The following ST6GALNAC1 variants were observed in gnomAD, a reference collection of about 807,000 sequenced individuals.
The protein encoded by ST6GALNAC1 is alpha-N-acetylgalactosaminide alpha-2,6-sialyltransferase 1.
ST6GALNAC1 carries 45 observed loss-of-function variants against 56.8 expected under a neutral mutation model. That is an observed-to-expected ratio of 0.79 (90% confidence interval 0.62 to 1.02). The LOEUF (loss-of-function observed/expected upper bound fraction) is 1.02. Among genes scored for constraint, ST6GALNAC1 ranks in the 50% least tolerant of loss-of-function variants. The pLI is 0.00. For synonymous variants in ST6GALNAC1, 295 were observed against 297.8 expected (o/e 0.99, Z 0.10); for missense variants, 743 against 754.8 (o/e 0.98, Z 0.18).
chr17:76,643,645 G>A lies in ST6GALNAC1; in HGVS notation c.-7C>T. 2 of 1,613,608 alleles carry A rather than the reference G, an allele frequency of 1.2e-6. No individual in the cohort carries two copies. Among genetic ancestry groups the A allele is most frequent in the Non-Finnish European group, 1.7e-6 (2 of 1,179,736 alleles). On this transcript the variant is annotated 5_prime_UTR_variant, in exon 1 of 9. Coordinates refer to ENST00000156626, the MANE Select transcript of ST6GALNAC1 (RefSeq NM_018414.5). ...TCCACAGGCAGGACCTCATGGTGGT[G>A]GGTCGGGTTCTAGAGGAAGGTTCTG...
chr17:76,630,426 C>T (rs1423843999), intron 1 of ST6GALNAC1, among the ~76,000 whole-genome samples: 1 of 152,130 alleles, frequency 6.6e-6, no homozygotes, highest in African/African-American at 2.4e-5. Flanking sequence ...CAGCCTTTCT[C>T]AGCCTCAAAG....
the ST6GALNAC1 span, among the ~76,000 whole-genome samples, chr17:76,619,314 C>G: frequency 6.6e-6 from 1 of 152,152 alleles, no homozygotes; most frequent in Non-Finnish European, 1.5e-5. Flanking sequence ...AGTTTCGTTG[C>G]TTCTAGACTC....
At chr17:76,630,309 G>A (rs933517679) in intron 1 of ST6GALNAC1, among the ~76,000 whole-genome samples, 14 of 152,142 alleles carry the variant, frequency 9.2e-5, no homozygotes, top group African/African-American at 3.4e-4. Context: ...ACTGGAGAAA[G>A]GCAGGGCCGG....
Position 76,629,703 on chromosome 17 carries a change from C to T in ST6GALNAC1, c.140G>A (p.Arg47His), listed in dbSNP as rs147277552. ...AGACCTTTCTTTAATGTTCTCTGTG[C>T]GTTGATGCCTAGGGACAGAGATAAC... ...EPQTKPSRHQ[R>H]TENIKERSLQ... Residue 47 changes from arginine (R) to histidine (H), a missense_variant, in exon 2 of 9, where the codon CGC becomes CAC. By Grantham distance (29) the Arg-to-His change is conservative (BLOSUM62 0). Transcript: ENST00000156626. 25 of 1,611,494 alleles carry T rather than the reference C, an allele frequency of 1.6e-5. No individual in the cohort carries two copies. The highest frequency in any genetic ancestry group is 8.3e-5 in the Admixed American group (5 of 59,894).
chr17:76,627,610 A>G lies in ST6GALNAC1; in HGVS notation c.832-27T>C, dbSNP rs745678943. ...TATATACAGGAGGACGAAGTCAGGA[A>G]GGGAGAGACCCAGAAAGGCCATCGG... On this transcript the variant is annotated intron_variant, in intron 2 of 8. Transcript: ENST00000156626. The surrounding 1 kb of genome is among the most constrained non-coding windows in gnomAD (Gnocchi z 4.4). 3.1e-6 allele frequency: 5 copies of G among 1,609,604 alleles called. No homozygotes were observed. Among genetic ancestry groups the G allele is most frequent in the South Asian group, 1.1e-5 (1 of 90,646 alleles).
intron 1 of ST6GALNAC1, among the ~76,000 whole-genome samples, chr17:76,642,805 G>A (rs528856924): frequency 1.1e-3 from 161 of 151,830 alleles, no homozygotes; most frequent in Non-Finnish European, 1.6e-3. Flanking sequence ...GGTGGCATGC[G>A]CCTGTAGTCC....
At chr17:76,626,169 C>T in intron 6 of ST6GALNAC1, 74 bp from the exon 7 acceptor site, 7 of 1,559,686 alleles carry the variant, frequency 4.5e-6, no homozygotes, top group Non-Finnish European at 6.2e-6. Flanking sequence ...GGGTCATGAG[C>T]ATGACTGGTA....
chr17:76,631,626 A>G (rs999146398), intron 1 of ST6GALNAC1, among the ~76,000 whole-genome samples: 2 of 152,080 alleles, frequency 1.3e-5, no homozygotes, highest in African/African-American at 4.8e-5. Flanking sequence ...CTCTGCAGAC[A>G]GGCCTCCTCT....
Position 76,629,505 on chromosome 17 carries a change from T to A in ST6GALNAC1, c.338A>T (p.Asp113Val). The change falls in exon 2 of 9, where the codon GAC (aspartate) becomes GTC (valine). Residue 113 changes from aspartate to valine, a missense_variant. Physicochemically the swap from Asp to Val is radical, Grantham distance 152. Coordinates refer to ENST00000156626, the MANE Select transcript of ST6GALNAC1 (RefSeq NM_018414.5). ...EANQAPPEEQ[D>V]KVPHTAQRAA... ...CCTCTGTGCTGTGTGGGGCACCTTG[T>A]CCTGCTCCTCCGGCGGTGCCTGGTT... The A allele has an allele frequency of 5.0e-6, 8 of 1,614,088 alleles. No individual in the cohort carries two copies. Among genetic ancestry groups the A allele is most frequent in the Non-Finnish European group, 6.8e-6 (8 of 1,180,012 alleles).
At position 76,627,060 on chromosome 17, in the gene ST6GALNAC1, AG is replaced by A. The variant is rs781476375; in HGVS notation, c.1172+6del. 1.3e-6 allele frequency: 2 copies of A among 1,540,352 alleles called. No individual in the cohort carries two copies. The highest frequency in any genetic ancestry group is 1.3e-5 in the South Asian group (1 of 77,782). On this transcript the variant is annotated splice_donor_region_variant and intron_variant, in intron 4 of 8. Coordinates refer to ENST00000156626, the MANE Select transcript of ST6GALNAC1 (RefSeq NM_018414.5). This position sits in a 1 kb window ranked among gnomAD's most constrained non-coding sequence, Gnocchi z 4.4. ...CTGGAGAGGGAGCTTGGGTGGGGAC[AG>A]CTTACCGGAACACGTAGTCGTGACT...
chr17:76,632,787 A>G (rs1219321874), intron 1 of ST6GALNAC1, among the ~76,000 whole-genome samples: 5 of 152,130 alleles, frequency 3.3e-5, no homozygotes, highest in African/African-American at 9.7e-5. Flanking sequence ...GCTTTCTTCT[A>G]TTAATGACTT....
In ST6GALNAC1 at chr17:76,638,675, G is replaced by A. The variant is rs1321285395; in HGVS notation, c.131+4833C>T. On this transcript the variant is annotated intron_variant, in intron 1 of 8. Transcript: ENST00000156626. ...GGCTCACAGCAAGCTCTGCCTCCCG[G>A]ATTCAGGCAATTCTCCCTGCCTCAG... is the stretch of plus-strand genomic sequence containing the variant. Among the ~76,000 whole-genome samples, 6 of 152,098 alleles carry A rather than the reference G, an allele frequency of 3.9e-5. No homozygotes were observed. The South Asian group carries it at 1.2e-3, about 32-fold the overall frequency.
chr17:76,619,655 CT>C, the ST6GALNAC1 span, among the ~76,000 whole-genome samples: 1 of 151,160 alleles, frequency 6.6e-6, no homozygotes, highest in African/African-American at 2.4e-5. Flanking sequence ...GTTTGTTATC[CT>C]TTTTGTCTTT....
Position 76,626,561 on chromosome 17 carries a change from T to C in ST6GALNAC1, c.1311+90A>G, listed in dbSNP as rs1253882643. 15 of 1,580,242 alleles carry C rather than the reference T, an allele frequency of 9.5e-6. 1 individual carries two copies. The highest frequency in any genetic ancestry group is 1.3e-5 in the Non-Finnish European group (15 of 1,157,532). On this transcript the variant is annotated intron_variant, in intron 5 of 8. Transcript: ENST00000156626. ...GAGCCTGTACCAACCACAGACTCCA[T>C]CCGGATGAAAGCCTCTCCTCTCCCT...
rs754185260 is a variant in ST6GALNAC1, at chr17:76,627,270, G to C, written c.1001-32C>G. ...CAAGAGTGGGGGTGCTCCATTCAGA[G>C]CCCTGGGAGGGACAGGAGTCCGACC... On this transcript the variant is annotated intron_variant, in intron 3 of 8. Coordinates refer to ENST00000156626, the MANE Select transcript of ST6GALNAC1 (RefSeq NM_018414.5). The surrounding 1 kb of genome is among the most constrained non-coding windows in gnomAD (Gnocchi z 4.4). The C allele has an allele frequency of 1.9e-6, 3 of 1,551,892 alleles. No homozygotes were observed. The Admixed American group carries it at 5.7e-5, about 29-fold the overall frequency.
the ST6GALNAC1 span, among the ~76,000 whole-genome samples, chr17:76,618,816 C>A: frequency 6.7e-6 from 1 of 149,818 alleles, no homozygotes; most frequent in East Asian, 2.0e-4. Flanking sequence ...TGGTGGTGTG[C>A]GCCTGTAGTC....
chr17:76,625,163 A>G lies in ST6GALNAC1; in HGVS notation c.*167T>C. Reference sequence around the variant, plus strand: ...AAGAACTTCAGAACCTCAATTAGCCATTTGCCATCTTGAGAGAGTCTTGTC... The same window carrying G: ...AAGAACTTCAGAACCTCAATTAGCCGTTTGCCATCTTGAGAGAGTCTTGTC... On this transcript the variant is annotated 3_prime_UTR_variant, in exon 9 of 9. Transcript: ENST00000156626. The G allele has an allele frequency of 1.4e-6, 1 of 693,438 alleles. No individual in the cohort carries two copies. The highest frequency in any genetic ancestry group is 2.4e-6 in the Non-Finnish European group (1 of 421,840). The allele number at this position is 693,438 out of a possible 1,614,324, so 43.0% of individuals were successfully genotyped here.
chr17:76,625,526 A>C lies in ST6GALNAC1; in HGVS notation c.1607T>G (p.Val536Gly). The C allele has an allele frequency of 6.2e-7, 1 of 1,613,548 alleles. No homozygotes were observed. Among genetic ancestry groups the C allele is most frequent in the South Asian group, 1.1e-5 (1 of 91,056 alleles). ...CTCAGTGATGAAGCCATAAGCACTC[A>C]CCTACATCACGGTTGGAGGAGAAAC... ...LLTALQLCDQ[V>G]SAYGFITEGH... Residue 536 changes from valine (V) to glycine (G), a missense_variant and splice_region_variant, in exon 9 of 9, where the codon GTG (valine) becomes GGG (glycine). Transcript: ENST00000156626.
intron 1 of ST6GALNAC1, among the ~76,000 whole-genome samples, chr17:76,640,437 G>A (rs548015911): frequency 1.6e-4 from 25 of 152,252 alleles, no homozygotes; most frequent in Admixed American, 2.6e-4. Context: ...GGCCAGGCCC[G>A]GTCACTATGA....
Sources: allele counts gnomAD v4.1 joint callset (sites outside exome capture counted in the v4.1 genomes callset), GRCh38; gene constraint gnomAD v4.1.1; non-coding constraint Gnocchi (gnomAD v3.1); transcripts MANE v1.5; gene names NCBI Gene and HGNC (gene_info 2026-07-23, HGNC 2026-07-21).